Variants in CHI3L2 observed in about 807,000 individuals in gnomAD.
The protein encoded by CHI3L2 is chitinase-3-like protein 2.
Under a neutral mutation model 47.3 loss-of-function variants are expected in CHI3L2, and 47 were observed. The ratio of observed to expected loss-of-function variants is 0.99; its 90% CI spans 0.79 to 1.27. CHI3L2 has a LOEUF of 1.27. Ranked by LOEUF, CHI3L2 falls within the 50% of genes most tolerant of loss-of-function variation. The pLI, the probability that CHI3L2 is intolerant of heterozygous loss-of-function variation, is 0.00. For synonymous variants in CHI3L2, 198 were observed against 169.9 expected, an observed-to-expected ratio of 1.17 and a Z score of -1.28; for missense variants, 497 against 462.1, an observed-to-expected ratio of 1.08 and a Z score of -0.69.
intron 7 of CHI3L2, 59 bp downstream of exon 7, chr1:111,236,212 C>T (rs1033684522): frequency 6.4e-6 from 10 of 1,564,882 alleles, no homozygotes; most frequent in South Asian, 2.3e-5. Flanking sequence ...TGGGGAGAGT[C>T]CAGCATGTCT....
intron 1 of CHI3L2, among the ~76,000 whole-genome samples, chr1:111,229,541 G>A (rs1350104471): frequency 6.7e-6 from 1 of 149,914 alleles, no homozygotes. Flanking sequence ...AATTAGCCGG[G>A]CGTAGTGGCG....
At chr1:111,233,440 A>G (rs1470504940) in intron 4 of CHI3L2, among the ~76,000 whole-genome samples, 1 of 152,236 alleles carries the variant, frequency 6.6e-6, no homozygotes, top group Non-Finnish European at 1.5e-5. Context: ...GTGGCCATCA[A>G]TCAGAAAGGA....
At chr1:111,239,044 G>T in intron 8 of CHI3L2, 112 bp downstream of exon 8, 1 of 1,045,036 alleles carries the variant, frequency 9.6e-7, no homozygotes, top group South Asian at 1.7e-5. Context: ...GGAAAGGGCA[G>T]AGTACTACTG....
chr1:111,229,812 T>C, intron 1 of CHI3L2, 40 bp from the exon 2 acceptor site: 1 of 1,612,106 alleles, frequency 6.2e-7, no homozygotes, highest in Non-Finnish European at 8.5e-7. Flanking sequence ...CAGAACCAGG[T>C]TTGGCTCAAC....
At chr1:111,230,014 T>C in intron 2 of CHI3L2, 133 bp downstream of exon 2, 5 of 943,414 alleles carry the variant, frequency 5.3e-6, no homozygotes, top group Non-Finnish European at 8.1e-6. Context: ...GACATATTTA[T>C]GACACTGAGT....
At position 111,243,152 on chromosome 1, in the gene CHI3L2, A is replaced by G. The variant is rs142295737; in HGVS notation, c.*3-65A>G. 1.2e-3 allele frequency: 563 copies of G among 456,050 alleles called. 2 individuals carry two copies. The highest frequency in any genetic ancestry group is 2.0e-3 in the Non-Finnish European group (452 of 226,768). The allele number at this position is 456,050 out of a possible 1,614,324, so 28.3% of individuals were successfully genotyped here. On this transcript the variant is annotated intron_variant, in intron 10 of 10. Coordinates refer to ENST00000369748, the MANE Select transcript of CHI3L2 (RefSeq NM_004000.3). ...TTCCAACTCTGAGCATCCATTGTTT[A>G]GTAACTTGACTTAGGCCTCAGTTTA... is the stretch of plus-strand genomic sequence containing the variant.
At chr1:111,233,562 G>A (rs928635574) in intron 4 of CHI3L2, among the ~76,000 whole-genome samples, 52 of 152,062 alleles carry the variant, frequency 3.4e-4, no homozygotes, top group African/African-American at 1.1e-3. Flanking sequence ...ATCCAGGAGG[G>A]AGGTGGGGGG....
At chr1:111,234,540 C>T (rs1035254211) in intron 4 of CHI3L2, among the ~76,000 whole-genome samples, 2 of 152,170 alleles carry the variant, frequency 1.3e-5, no homozygotes, top group East Asian at 1.9e-4. Flanking sequence ...ACTGACCTAG[C>T]AGGACTTTTT....
intron 7 of CHI3L2, among the ~76,000 whole-genome samples, chr1:111,237,431 T>C (rs1275495622): frequency 3.3e-5 from 5 of 152,218 alleles, no homozygotes; most frequent in Admixed American, 6.5e-5. Flanking sequence ...TATATGGATG[T>C]ATATTCCTAA....
In CHI3L2 at chr1:111,235,749, T is replaced by C; in HGVS notation, c.591T>C (p.Val197=). 6.2e-7 allele frequency: 1 copy of C among 1,613,842 alleles called. No individual in the cohort carries two copies. Among genetic ancestry groups the C allele is most frequent in the East Asian group, 2.2e-5 (1 of 44,894 alleles). Residue 197 remains valine, a synonymous_variant, in exon 6 of 11, where the codon GTT becomes GTC. Transcript: ENST00000369748. ...AAATGATTGATAACAGCTATCAAGT[T>C]GAGAAACTGGCAAAGTGAGTACATC... The part of the protein sequence containing the change: ...GRQMIDNSYQ[V]EKLAKDLDFI...
intron 2 of CHI3L2, 44 bp from the exon 3 acceptor site, chr1:111,230,698 G>A (rs745901276): frequency 2.6e-6 from 4 of 1,532,546 alleles, no homozygotes; most frequent in Admixed American, 3.4e-5. Context: ...GGACTCTAAG[G>A]CAACAGCCCT....
intron 6 of CHI3L2, 116 bp from the exon 7 acceptor site, chr1:111,235,908 T>C: frequency 6.5e-7 from 1 of 1,543,756 alleles, no homozygotes; most frequent in Non-Finnish European, 8.8e-7. Flanking sequence ...AGGAACAACT[T>C]CTTTACAGAG....
chr1:111,233,477 C>G (rs912756621), intron 4 of CHI3L2, among the ~76,000 whole-genome samples: 1 of 152,212 alleles, frequency 6.6e-6, no homozygotes, highest in African/African-American at 2.4e-5. Context: ...GAATCTAGTT[C>G]TCCTGACCCT....
In CHI3L2 at chr1:111,241,489, T is replaced by C. The variant is rs774897915; in HGVS notation, c.1035+46T>C. The C allele has an allele frequency of 5.0e-5, 49 of 977,874 alleles. No homozygotes were observed. The East Asian group carries it at 1.1e-3, about 23-fold the overall frequency. 60.6% of individuals were successfully genotyped at this position (977,874 alleles called of 1,614,324 possible). A position where few individuals can be genotyped will look rare whatever the true frequency, so the allele number is the denominator to read the frequency against. On this transcript the variant is annotated intron_variant, in intron 9 of 10. Transcript: ENST00000369748. ...TACTCCTTTAGGTGGGGAATGGTGATATGTAGTAAAATGCCTGAATACTCT... is the reference window on the plus strand; with the variant it reads ...TACTCCTTTAGGTGGGGAATGGTGACATGTAGTAAAATGCCTGAATACTCT...
rs563724781 is a variant in CHI3L2 at position 111,234,008 on chromosome 1, G to A, written c.330-899G>A. Among the ~76,000 whole-genome samples, 5 of 150,330 alleles carry A rather than the reference G, an allele frequency of 3.3e-5. No homozygotes were observed. The East Asian group carries it at 9.8e-4, about 29-fold the overall frequency. Reference sequence around the variant, plus strand: ...CTTGAAGGCAGCATGCTCGTTAAGAGTCATCACCACTCCCTAATCTCAAGT... The same window carrying A: ...CTTGAAGGCAGCATGCTCGTTAAGAATCATCACCACTCCCTAATCTCAAGT... On this transcript the variant is annotated intron_variant, in intron 4 of 10. Transcript: ENST00000369748.
At chr1:111,241,869 A>T (rs998013402) in intron 9 of CHI3L2, among the ~76,000 whole-genome samples, 1 of 152,204 alleles carries the variant, frequency 6.6e-6, no homozygotes, top group Non-Finnish European at 1.5e-5. Flanking sequence ...CCTTGGTAAG[A>T]CATTTGTGTT....
At chr1:111,242,522 C>T (rs902766360) in intron 10 of CHI3L2, 156 bp downstream of exon 10, 1 of 651,102 alleles carries the variant, frequency 1.5e-6, no homozygotes, top group Admixed American at 3.6e-5. Context: ...CTGGTTCTGC[C>T]CTTTTCATAG....
At chr1:111,242,480 G>T in intron 10 of CHI3L2, 114 bp downstream of exon 10, 1 of 1,193,228 alleles carries the variant, frequency 8.4e-7, no homozygotes. Flanking sequence ...ATGCTCCTTT[G>T]GCTCTTCTGC....
intron 4 of CHI3L2, among the ~76,000 whole-genome samples, chr1:111,232,199 TG>T (rs1218542876): frequency 6.6e-6 from 1 of 152,236 alleles, no homozygotes; most frequent in Non-Finnish European, 1.5e-5. Context: ...CTAACTTTTT[TG>T]GTTCTGTGTT....
Sources: allele counts gnomAD v4.1 joint callset (sites outside exome capture counted in the v4.1 genomes callset), GRCh38; gene constraint gnomAD v4.1.1; transcripts MANE v1.5; gene names NCBI Gene and HGNC (gene_info 2026-07-23, HGNC 2026-07-21).